NEGR1: variants seen among roughly 807,000 people sequenced by gnomAD.
NEGR1 encodes neuronal growth regulator 1.
NEGR1 carries 10 observed loss-of-function variants against 40.9 expected under a neutral mutation model. The observed-to-expected ratio is 0.24, with a 90% CI of 0.15 to 0.42. The LOEUF (loss-of-function observed/expected upper bound fraction) is 0.42. Among genes scored for constraint, NEGR1 ranks in the 10% least tolerant of loss-of-function variants. NEGR1 has a pLI of 1.00. For missense variants in NEGR1, 352 were observed against 438.9 expected, an observed-to-expected ratio of 0.80 and a Z score of 1.77; for synonymous variants, 185 against 166.8, an observed-to-expected ratio of 1.11 and a Z score of -0.84.
chr1:71,521,891 A>G (rs1251576162), intron 6 of NEGR1, among the ~76,000 whole-genome samples: 1 of 151,982 alleles, frequency 6.6e-6, no homozygotes, highest in African/African-American at 2.4e-5. Context: ...TGTGAAAAGC[A>G]TAGTTAACAT....
At chr1:71,943,530 T>G (rs779394050) in intron 1 of NEGR1, among the ~76,000 whole-genome samples, 53 of 152,010 alleles carry the variant, frequency 3.5e-4, no homozygotes, top group Non-Finnish European at 7.2e-4. Flanking sequence ...AGCAAGAATA[T>G]ATGTCTGTGT....
intron 6 of NEGR1, among the ~76,000 whole-genome samples, chr1:71,412,017 C>A (rs781132831): frequency 5.9e-5 from 9 of 151,838 alleles, no homozygotes; most frequent in Admixed American, 5.9e-4. Context: ...AAAAGTAAAG[C>A]CTATCCTAGC....
chr1:72,121,071 TA>T (rs1649785414), intron 1 of NEGR1, among the ~76,000 whole-genome samples: 1 of 152,102 alleles, frequency 6.6e-6, no homozygotes, highest in Non-Finnish European at 1.5e-5. Flanking sequence ...TTTCACAGTG[TA>T]GTCATTTTCT....
At chr1:71,852,492 G>A (rs537809119) in intron 2 of NEGR1, among the ~76,000 whole-genome samples, 5 of 151,990 alleles carry the variant, frequency 3.3e-5, no homozygotes, top group Non-Finnish European at 5.9e-5. Context: ...TGGAGCCTAC[G>A]CATGCCACAA....
At chr1:72,022,001 G>A (rs1178939806) in intron 1 of NEGR1, among the ~76,000 whole-genome samples, 1 of 151,894 alleles carries the variant, frequency 6.6e-6, no homozygotes. Flanking sequence ...TGGGCGTGGT[G>A]GCAGGCGCCT....
At chr1:72,249,975 G>C (rs72941294) in intron 1 of NEGR1, among the ~76,000 whole-genome samples, 2,374 of 152,218 alleles carry the variant, frequency 0.016, 65 homozygotes, top group African/African-American at 0.055. Context: ...GGAATGGCTA[G>C]TTTTATGTTT....
chr1:71,893,973 C>G (rs1290217411), intron 2 of NEGR1, among the ~76,000 whole-genome samples: 1 of 58,348 alleles, frequency 1.7e-5, no homozygotes, highest in Middle Eastern at 6.2e-3. Flanking sequence ...ATCGCAAGAA[C>G]AAAAAACCAA....
intron 2 of NEGR1, among the ~76,000 whole-genome samples, chr1:71,868,538 C>T (rs546177250): frequency 1.3e-5 from 2 of 151,882 alleles, no homozygotes; most frequent in Non-Finnish European, 2.9e-5. Context: ...TATATAAATA[C>T]TTTGCTAAAG....
At chr1:72,031,793 G>A (rs191689802) in intron 1 of NEGR1, among the ~76,000 whole-genome samples, 1 of 152,200 alleles carries the variant, frequency 6.6e-6, no homozygotes, top group Non-Finnish European at 1.5e-5. Flanking sequence ...AAGGGAGGAA[G>A]GTTTGAGCCT....
intron 3 of NEGR1, among the ~76,000 whole-genome samples, 181 bp downstream of exon 3, chr1:71,775,991 T>C (rs1481533474): frequency 7.7e-6 from 1 of 130,698 alleles, no homozygotes; most frequent in African/African-American, 2.8e-5. Context: ...AGACTCTGTC[T>C]CAAAAATAAA....
intron 6 of NEGR1, among the ~76,000 whole-genome samples, chr1:71,590,575 G>T (rs1054463149): frequency 2.0e-5 from 3 of 151,972 alleles, no homozygotes; most frequent in Non-Finnish European, 4.4e-5. Flanking sequence ...GATTGTCAGG[G>T]TTTAAGGTTT....
intron 2 of NEGR1, among the ~76,000 whole-genome samples, chr1:71,800,745 G>A (rs1585380): frequency 0.052 from 7,850 of 152,000 alleles, 349 homozygotes; most frequent in African/African-American, 0.12. Context: ...TTAACTACTC[G>A]AGGGCTTCAT....
At position 71,619,625 on chromosome 1, in the gene NEGR1, TGTGA is replaced by T. The variant is rs1188376372; in HGVS notation, c.668-8483_668-8480del. Among the ~76,000 whole-genome samples, 2 of 151,984 alleles carry T rather than the reference TGTGA, an allele frequency of 1.3e-5. 1 individual carries two copies. The highest frequency in any genetic ancestry group is 4.8e-5 in the African/African-American group (2 of 41,388). On this transcript the variant is annotated intron_variant, in intron 4 of 6. Coordinates refer to ENST00000357731, the MANE Select transcript of NEGR1 (RefSeq NM_173808.3). ...TTTCAGAGGAATGTTATTAGACAGA[TGTGA>T]GTAAGAGCAAGGAACAGATGTTGGA...
chr1:71,928,446 A>G (rs11804536), intron 2 of NEGR1, among the ~76,000 whole-genome samples: 20,489 of 127,756 alleles, frequency 0.16, 3,805 homozygotes, highest in African/African-American at 0.36. Flanking sequence ...ACACATATAT[A>G]TGTATATATA....
intron 2 of NEGR1, among the ~76,000 whole-genome samples, chr1:71,815,789 T>C (rs191855217): frequency 6.6e-6 from 1 of 152,064 alleles, no homozygotes; most frequent in African/African-American, 2.4e-5. Flanking sequence ...AAATGTGCTA[T>C]TGGTAAAATC....
intron 3 of NEGR1, among the ~76,000 whole-genome samples, chr1:71,745,954 A>G (rs1655367238): frequency 6.6e-6 from 1 of 152,182 alleles, no homozygotes; most frequent in South Asian, 2.1e-4. Flanking sequence ...GGAGGAGGAA[A>G]TGCTCTAAAG....
At chr1:72,211,065 T>C (rs80229609) in intron 1 of NEGR1, among the ~76,000 whole-genome samples, 2 of 151,748 alleles carry the variant, frequency 1.3e-5, no homozygotes, top group Non-Finnish European at 2.9e-5. Flanking sequence ...CAAAGCTGTT[T>C]TAAAAAGAAT....
intron 2 of NEGR1, among the ~76,000 whole-genome samples, chr1:71,875,309 AT>A (rs1660394410): frequency 6.6e-6 from 1 of 152,132 alleles, no homozygotes; most frequent in Non-Finnish European, 1.5e-5. Context: ...TGAAGTGTTT[AT>A]TTGCTTTAAT....
intron 2 of NEGR1, among the ~76,000 whole-genome samples, chr1:71,778,260 T>C (rs546108678): frequency 1.3e-5 from 2 of 152,214 alleles, no homozygotes; most frequent in South Asian, 4.1e-4. Context: ...TTTTACTTTA[T>C]AATGGTGTGA....
Sources: allele counts gnomAD v4.1 joint callset (sites outside exome capture counted in the v4.1 genomes callset), GRCh38; gene constraint gnomAD v4.1.1; transcripts MANE v1.5; gene names NCBI Gene and HGNC (gene_info 2026-07-23, HGNC 2026-07-21).